NLRX1: variants seen among roughly 807,000 people sequenced by gnomAD.
NLRX1 encodes NOD-like receptor X1.
Under a neutral mutation model 74.2 loss-of-function variants are expected in NLRX1, and 67 were observed. That is an observed-to-expected ratio of 0.90 (90% confidence interval 0.74 to 1.11). The LOEUF (loss-of-function observed/expected upper bound fraction) is 1.11, where lower values mean the gene tolerates loss of function less well. NLRX1 is among the 50% of genes least tolerant of loss of function. The pLI, the probability that NLRX1 is intolerant of heterozygous loss-of-function variation, is 0.00. For missense variants in NLRX1, 1,191 were observed against 1,305.4 expected (o/e 0.91, Z 1.35); for synonymous variants, 506 against 559.1 (o/e 0.91, Z 1.34).
chr11:119,172,361 C>T lies in NLRX1; in HGVS notation c.76C>T (p.Arg26Cys), dbSNP rs775689434. Residue 26 changes from arginine to cysteine, a missense_variant, in exon 3 of 10, where the codon CGT (arginine) becomes TGT (cysteine). Coordinates refer to ENST00000409109, the MANE Select transcript of NLRX1 (RefSeq NM_001282144.2). Reference sequence around the variant, plus strand: ...TTTCTTCCTTCTCTCTGTAGATGATCGTATCCCCTTCCTGATCCACTGGAG... The same window carrying T: ...TTTCTTCCTTCTCTCTGTAGATGATTGTATCCCCTTCCTGATCCACTGGAG... ...FRRALQRPDDRIPFLIHWSWP... is the reference protein window; with the variant it reads ...FRRALQRPDDCIPFLIHWSWP... 23 of 1,612,958 alleles carry T rather than the reference C, an allele frequency of 1.4e-5. No homozygotes were observed. The highest frequency in any genetic ancestry group is 1.6e-4 in the Middle Eastern group (1 of 6,082).
Position 119,183,024 on chromosome 11 carries a change from G to A in NLRX1, c.2607-94G>A. 8.8e-7 allele frequency: 1 copy of A among 1,131,752 alleles called. No individual in the cohort carries two copies. The highest frequency in any genetic ancestry group is 1.3e-6 in the Non-Finnish European group (1 of 793,592). The allele number at this position is 1,131,752 out of a possible 1,614,324, so 70.1% of individuals were successfully genotyped here. A position where few individuals can be genotyped will look rare whatever the true frequency, so the allele number is the denominator to read the frequency against. On this transcript the variant is annotated intron_variant, in intron 9 of 9. Transcript: ENST00000409109. This position sits in a 1 kb window ranked among gnomAD's most constrained non-coding sequence, Gnocchi z 5.7. The stretch of plus-strand genomic sequence containing the variant: ...TGATCGCACTCTGCAGCCAGGAGAT[G>A]AGTTGTGAGGCCCCCTGACTTTCCA...
chr11:119,174,475 G>A lies in NLRX1; in HGVS notation c.872G>A (p.Arg291Gln), dbSNP rs1380219617. The change falls in exon 6 of 10, where the codon CGG (arginine) becomes CAG (glutamine). Residue 291 changes from arginine (R) to glutamine (Q), a missense_variant. Physicochemically the swap from Arg to Gln is conservative, Grantham distance 43 (BLOSUM62 1). Coordinates refer to ENST00000409109, the MANE Select transcript of NLRX1 (RefSeq NM_001282144.2). ...LPQASILVTT[R>Q]PSAIGRIPSK... Reference sequence around the variant, plus strand: ...CAGGCCAGCATTCTGGTGACCACTCGGCCCTCTGCCATTGGCCGTATCCCC... The same window carrying A: ...CAGGCCAGCATTCTGGTGACCACTCAGCCCTCTGCCATTGGCCGTATCCCC... 9 of 1,613,962 alleles carry A rather than the reference G, an allele frequency of 5.6e-6. No individual in the cohort carries two copies. The highest frequency in any genetic ancestry group is 1.3e-5 in the African/African-American group (1 of 75,042).
chr11:119,169,586 CG>C (rs369714498), intron 1 of NLRX1, among the ~76,000 whole-genome samples: 7 of 152,356 alleles, frequency 4.6e-5, no homozygotes, highest in African/African-American at 1.7e-4. Flanking sequence ...CAAGAAGCCC[CG>C]ATCTCAGTGG....
At chr11:119,170,499 A>G (rs1468308442) in intron 1 of NLRX1, among the ~76,000 whole-genome samples, 8 of 152,188 alleles carry the variant, frequency 5.3e-5, no homozygotes, top group Non-Finnish European at 1.5e-5. Flanking sequence ...ACATGGGAGA[A>G]GTTTGAAGCA....
At chr11:119,178,482 C>T (rs1484860190) in intron 6 of NLRX1, among the ~76,000 whole-genome samples, 1 of 152,130 alleles carries the variant, frequency 6.6e-6, no homozygotes, top group Non-Finnish European at 1.5e-5. Flanking sequence ...ACAGTTTGAG[C>T]ACAAAAATAT....
At position 119,180,184 on chromosome 11, in the gene NLRX1, C is replaced by T. The variant is rs777623977; in HGVS notation, c.2163C>T (p.Gly721=). 5.0e-6 allele frequency: 8 copies of T among 1,612,944 alleles called. No homozygotes were observed. In the South Asian group the frequency reaches 7.7e-5, roughly 15 times the overall value. The change falls in exon 7 of 10, where the codon GGC becomes GGT. Residue 721 remains glycine, a synonymous_variant. Transcript: ENST00000409109. Reference sequence around the variant, plus strand: ...GCACAGTGGTGGCAGCTGTGCTGGGCAGCGGAAGGCATGCCCTGGATGAGG... The same window carrying T: ...GCACAGTGGTGGCAGCTGTGCTGGGTAGCGGAAGGCATGCCCTGGATGAGG... The part of the protein sequence containing the change: ...VKCTVVAAVL[G]SGRHALDEVN...
intron 5 of NLRX1, 47 bp downstream of exon 5, chr11:119,174,145 C>G (rs766847749): frequency 6.3e-7 from 1 of 1,587,890 alleles, no homozygotes; most frequent in Admixed American, 1.7e-5. Flanking sequence ...CGTTGACTCG[C>G]CCCCTAGGTC....
In NLRX1 at chr11:119,172,443, T is replaced by C; in HGVS notation, c.140+18T>C. The stretch of plus-strand genomic sequence containing the variant: ...CCCCCTAGGTGAGGCCTGGGTGTCA[T>C]ACCTTAGGACTAGTCTGGGCACAAC... On this transcript the variant is annotated intron_variant, in intron 3 of 9. Transcript: ENST00000409109. The C allele has an allele frequency of 6.3e-7, 1 of 1,584,968 alleles. No individual in the cohort carries two copies. The highest frequency in any genetic ancestry group is 1.1e-5 in the South Asian group (1 of 90,452).
At chr11:119,181,744 G>A (rs1008446616) in intron 8 of NLRX1, among the ~76,000 whole-genome samples, 3 of 152,112 alleles carry the variant, frequency 2.0e-5, no homozygotes, top group African/African-American at 4.8e-5. Context: ...GGAGTCAGAG[G>A]GGAGGGAGAA....
In NLRX1 at chr11:119,168,782, G is replaced by C. The variant is rs1182284263; in HGVS notation, c.-569G>C. ...ACGATGGCGGGACGGGTGGCGCCGG[G>C]GTTCCAGCCCTGCGCCTGCTCCGGA... On this transcript the variant is annotated 5_prime_UTR_variant, in exon 1 of 10. Transcript: ENST00000409109. 3.3e-5 allele frequency: 5 copies of C among 152,310 alleles called. No individual in the cohort carries two copies. The highest frequency in any genetic ancestry group is 7.3e-5 in the Non-Finnish European group (5 of 68,148). The allele number at this position is 152,310 out of a possible 1,614,324, so 9.4% of individuals were successfully genotyped here.
In NLRX1 at chr11:119,173,093, A is replaced by G; in HGVS notation, c.229+104A>G. 5 of 861,740 alleles carry G rather than the reference A, an allele frequency of 5.8e-6. No homozygotes were observed. In the Admixed American group the frequency reaches 7.3e-5, roughly 13 times the overall value. The allele number at this position is 861,740 out of a possible 1,614,324, so 53.4% of individuals were successfully genotyped here. A position where few individuals can be genotyped will look rare whatever the true frequency, so the allele number is the denominator to read the frequency against. On this transcript the variant is annotated intron_variant, in intron 4 of 9. Transcript: ENST00000409109. The surrounding 1 kb of genome is among the most constrained non-coding windows in gnomAD (Gnocchi z 4.0). Reference sequence around the variant, plus strand: ...CATAGAGGATCCACTGCCATCTTCCATCGGTGGTCCCTCCTCCTCTCTCTC... The same window carrying G: ...CATAGAGGATCCACTGCCATCTTCCGTCGGTGGTCCCTCCTCCTCTCTCTC...
rs1391297978 is a variant in NLRX1, at chr11:119,170,757, G to A, written c.-48-599G>A. Among the ~76,000 whole-genome samples the A allele has an allele frequency of 2.6e-5, 4 of 152,158 alleles. No homozygotes were observed. The South Asian group carries it at 8.3e-4, about 31-fold the overall frequency. ...ACAGGACTCCTATCTGAGCTTGCTG[G>A]TGGCCAAGAAGGAAAAAGGACACCT... On this transcript the variant is annotated intron_variant, in intron 1 of 9. Coordinates refer to ENST00000409109, the MANE Select transcript of NLRX1 (RefSeq NM_001282144.2).
intron 6 of NLRX1, 27 bp downstream of exon 6, chr11:119,175,301 C>A: frequency 6.3e-7 from 1 of 1,585,482 alleles, no homozygotes. Context: ...GGTAACCCCC[C>A]AACCTGCTCC....
At chr11:119,171,728 G>T (rs199476035) in intron 2 of NLRX1, among the ~76,000 whole-genome samples, 1 of 151,980 alleles carries the variant, frequency 6.6e-6, no homozygotes, top group Non-Finnish European at 1.5e-5. Flanking sequence ...CGAGGCAGGC[G>T]GATCACAAGA....
rs530046986 is a variant in NLRX1 at position 119,174,075 on chromosome 11, C to T, written c.826C>T (p.Leu276=). ...ACCAGCTGCTATCATCGTCAACCTG[C>T]TGCGCAAATACATGCTGCCTCAGGT... ...QEPAAIIVNL[L]RKYMLPQASI... is the part of the protein sequence containing the mutation. Residue 276 remains leucine, a synonymous_variant, in exon 5 of 10, where the codon CTG becomes TTG. Transcript: ENST00000409109. The T allele has an allele frequency of 9.9e-6, 16 of 1,614,122 alleles. No homozygotes were observed. In the South Asian group the frequency reaches 1.4e-4, roughly 14 times the overall value.
Position 119,173,823 on chromosome 11 carries a change from G to C in NLRX1, c.574G>C (p.Glu192Gln). The stretch of plus-strand genomic sequence containing the variant: ...GTGTTATGGGCGGCTGCCGGCCTTC[G>C]AGCTGCTCATCCCCTTCTCCTGTGA... ...DWCYGRLPAF[E>Q]LLIPFSCEDL... The change falls in exon 5 of 10, where the codon GAG becomes CAG. Residue 192 changes from glutamate to glutamine, a missense_variant. Coordinates refer to ENST00000409109, the MANE Select transcript of NLRX1 (RefSeq NM_001282144.2). The surrounding 1 kb of genome is among the most constrained non-coding windows in gnomAD (Gnocchi z 4.0). 6.2e-7 allele frequency: 1 copy of C among 1,613,470 alleles called. No individual in the cohort carries two copies. The highest frequency in any genetic ancestry group is 8.5e-7 in the Non-Finnish European group (1 of 1,180,038).
chr11:119,170,885 T>G (rs1948524773), intron 1 of NLRX1, among the ~76,000 whole-genome samples: 1 of 152,246 alleles, frequency 6.6e-6, no homozygotes, highest in South Asian at 2.1e-4. Context: ...GGCTCACACT[T>G]GTAATCCCAG....
At chr11:119,181,335 C>A in intron 8 of NLRX1, 78 bp downstream of exon 8, 1 of 1,095,060 alleles carries the variant, frequency 9.1e-7, no homozygotes, top group Non-Finnish European at 1.4e-6. Flanking sequence ...ACATACTTGG[C>A]ACAGACCCAC....
At chr11:119,180,911 T>C (rs1948821513) in intron 7 of NLRX1, among the ~76,000 whole-genome samples, 1 of 151,534 alleles carries the variant, frequency 6.6e-6, no homozygotes, top group South Asian at 2.1e-4. Flanking sequence ...TGTGGTGGCA[T>C]GTAGCTATCA....
Sources: allele counts gnomAD v4.1 joint callset (sites outside exome capture counted in the v4.1 genomes callset), GRCh38; gene constraint gnomAD v4.1.1; non-coding constraint Gnocchi (gnomAD v3.1); transcripts MANE v1.5; gene names NCBI Gene and HGNC (gene_info 2026-07-23, HGNC 2026-07-21).